The following MARVELD3 variants were observed in gnomAD, a reference collection of about 807,000 sequenced individuals.
The protein encoded by MARVELD3 is MARVEL domain containing 3, also known as MARVEL domain-containing protein 3.
In MARVELD3, 28 loss-of-function variants were observed where a neutral mutation model predicts 33.5. The ratio of observed to expected loss-of-function variants is 0.84; its 90% confidence interval spans 0.62 to 1.15. MARVELD3 has a LOEUF of 1.15. MARVELD3 is among the 50% of genes most tolerant of loss of function. MARVELD3 has a pLI of 0.00. For missense variants in MARVELD3, 582 were observed against 547.6 expected, an observed-to-expected ratio of 1.06 and a Z score of -0.63; for synonymous variants, 241 against 230.4, an observed-to-expected ratio of 1.05 and a Z score of -0.42.
At chr16:71,640,280 A>G, downstream of MARVELD3, 1 of 1,265,682 alleles carries the variant, frequency 7.9e-7, no homozygotes, top group Non-Finnish European at 1.1e-6. Context: ...AAAAAAAAAA[A>G]GTTGACATTG....
intron 1 of MARVELD3, among the ~76,000 whole-genome samples, chr16:71,628,689 T>C (rs1597074065): frequency 6.6e-6 from 1 of 151,322 alleles, no homozygotes; most frequent in Non-Finnish European, 1.5e-5. Context: ...GAGCATGAGG[T>C]TGTGAGTGTA....
rs565404190 is a variant in MARVELD3 at position 71,636,395 on chromosome 16, G to C, written c.*1592G>C. 1 of 155,242 alleles carries C rather than the reference G, an allele frequency of 6.4e-6. No individual in the cohort carries two copies. The highest frequency in any genetic ancestry group is 6.6e-5 in the Admixed American group (1 of 15,234). 9.6% of individuals were successfully genotyped at this position (155,242 alleles called of 1,614,324 possible). ...TTAAGTTTTGCTTTTGAAGAGAAGG[G>C]GACTTTTCATTTATACATGGCTTGA... On this transcript the variant is annotated 3_prime_UTR_variant, in exon 3 of 3. Transcript: ENST00000268485.
At chr16:71,629,270 C>A in intron 1 of MARVELD3, 97 bp from the exon 2 acceptor site, 1 of 1,309,030 alleles carries the variant, frequency 7.6e-7, no homozygotes. Flanking sequence ...TTCTGTTCTG[C>A]TAATATTTGG....
rs1356732579 is a variant in MARVELD3, at chr16:71,626,730, CGGGGACACCTGTGGCCCAGGCCG to C, written c.467+36_467+58del. 1 of 1,421,088 alleles carries C rather than the reference CGGGGACACCTGTGGCCCAGGCCG, an allele frequency of 7.0e-7. No homozygotes were observed. The highest frequency in any genetic ancestry group is 1.5e-5 in the African/African-American group (1 of 66,550). 88.0% of individuals were successfully genotyped at this position (1,421,088 alleles called of 1,614,324 possible). On this transcript the variant is annotated intron_variant, in intron 1 of 2. Coordinates refer to ENST00000268485, the MANE Select transcript of MARVELD3 (RefSeq NM_052858.6). The surrounding 1 kb of genome is among the most constrained non-coding windows in gnomAD (Gnocchi z 5.3). ...GGCCGGGGCGCTGCGACCTCCGCGC[CGGGGACACCTGTGGCCCAGGCCG>C]GCCCGCGAGGCCCTGGCGTCCCCGG... is the stretch of plus-strand genomic sequence containing the variant.
chr16:71,640,826 G>T (rs866358853), downstream of MARVELD3: 3 of 1,614,244 alleles, frequency 1.9e-6, no homozygotes, highest in Middle Eastern at 3.3e-4. Context: ...ATGCCCGCAA[G>T]GGTCTCACCT....
intron 1 of MARVELD3, chr16:71,629,085 G>A (rs2145273027): frequency 2.7e-6 from 1 of 366,682 alleles, no homozygotes; most frequent in Non-Finnish European, 4.8e-6. Context: ...GCACTCACAG[G>A]AAGGCAGCTC....
chr16:71,629,135 CATCAGCGGTACCA>C (rs1418547178), intron 1 of MARVELD3: 3 of 463,994 alleles, frequency 6.5e-6, no homozygotes, highest in Non-Finnish European at 1.1e-5. Flanking sequence ...GCAGACAAAC[CATCAGCGGTACCA>C]ATCACAGCAT....
chr16:71,635,460 TC>T lies in MARVELD3; in HGVS notation c.*659del. ...ATTTGATGAACCTTACCTTCAAAGT[TC>T]CTGGGCACAGTGGCTCACACCTGTA... On this transcript the variant is annotated 3_prime_UTR_variant, in exon 3 of 3. Coordinates refer to ENST00000268485, the MANE Select transcript of MARVELD3 (RefSeq NM_052858.6). 1.0e-6 allele frequency: 1 copy of T among 982,264 alleles called. No homozygotes were observed. The highest frequency in any genetic ancestry group is 5.3e-4 in the Middle Eastern group (1 of 1,896). The allele number at this position is 982,264 out of a possible 1,614,324, so 60.8% of individuals were successfully genotyped here. A position where few individuals can be genotyped will look rare whatever the true frequency, so the allele number is the denominator to read the frequency against.
chr16:71,635,798 T>C lies in MARVELD3; in HGVS notation c.*995T>C. On this transcript the variant is annotated 3_prime_UTR_variant, in exon 3 of 3. Coordinates refer to ENST00000268485, the MANE Select transcript of MARVELD3 (RefSeq NM_052858.6). ...GTGGGGACTCTTGGGAAACTACTCC[T>C]GTAAAATTGAAGTTGGAGGTAGGCG... 2.0e-6 allele frequency: 2 copies of C among 985,398 alleles called. No homozygotes were observed. Among genetic ancestry groups the C allele is most frequent in the South Asian group, 4.7e-5 (1 of 21,290 alleles). The allele number at this position is 985,398 out of a possible 1,614,324, so 61.0% of individuals were successfully genotyped here.
chr16:71,636,668 G>A (rs1266242517), downstream of MARVELD3, among the ~76,000 whole-genome samples: 1 of 152,112 alleles, frequency 6.6e-6, no homozygotes, highest in Admixed American at 6.6e-5. Context: ...TCAGCTTACT[G>A]CAACCTCTGC....
rs2044580097 is a variant in MARVELD3, at chr16:71,636,179, T to C, written c.*1376T>C. The stretch of plus-strand genomic sequence containing the variant: ...GAGTAAGTTCTTTGCTTTATGTGAA[T>C]CCAATAAAAAATCCAAAGAATTTTA... On this transcript the variant is annotated 3_prime_UTR_variant, in exon 3 of 3. Transcript: ENST00000268485. 2 of 982,334 alleles carry C rather than the reference T, an allele frequency of 2.0e-6. No homozygotes were observed. The highest frequency in any genetic ancestry group is 1.2e-4 in the Admixed American group (2 of 16,262). 60.9% of individuals were successfully genotyped at this position (982,334 alleles called of 1,614,324 possible). A position where few individuals can be genotyped will look rare whatever the true frequency, so the allele number is the denominator to read the frequency against.
At position 71,626,943 on chromosome 16, in the gene MARVELD3, G is replaced by C. The variant is rs911685312; in HGVS notation, c.467+247G>C. ...CCCTGTGAGCAGTGGCTGGGCTGGA[G>C]GACCTGGAGAAGAGAAAGAGAGGCC... On this transcript the variant is annotated intron_variant, in intron 1 of 2. Transcript: ENST00000268485. The surrounding 1 kb of genome is among the most constrained non-coding windows in gnomAD (Gnocchi z 5.3). 1 of 432,034 alleles carries C rather than the reference G, an allele frequency of 2.3e-6. No individual in the cohort carries two copies. The highest frequency in any genetic ancestry group is 4.0e-6 in the Non-Finnish European group (1 of 249,362). The allele number at this position is 432,034 out of a possible 1,614,324, so 26.8% of individuals were successfully genotyped here.
At chr16:71,638,679 G>A (rs1348059333), downstream of MARVELD3, 1 of 152,170 alleles carries the variant, frequency 6.6e-6, no homozygotes, top group Non-Finnish European at 1.5e-5. Context: ...GTACTCCTGT[G>A]TATCCTTAAC....
intron 2 of MARVELD3, among the ~76,000 whole-genome samples, chr16:71,632,482 A>G (rs1012858291): frequency 2.0e-5 from 3 of 152,232 alleles, no homozygotes; most frequent in Non-Finnish European, 4.4e-5. Context: ...TAAATAAAAC[A>G]GCATTAAACT....
downstream of MARVELD3, chr16:71,638,406 AAATC>A: frequency 6.5e-6 from 1 of 152,744 alleles, no homozygotes; most frequent in African/African-American, 2.4e-5. Flanking sequence ...GTAAATGAAA[AAATC>A]AAGATGCAGA....
chr16:71,628,824 T>C (rs949280490), intron 1 of MARVELD3, among the ~76,000 whole-genome samples: 1 of 152,124 alleles, frequency 6.6e-6, no homozygotes, highest in African/African-American at 2.4e-5. Flanking sequence ...TGTTGAATCT[T>C]GGACAAAGCC....
Position 71,635,648 on chromosome 16 carries a change from G to T in MARVELD3, c.*845G>T. Reference sequence around the variant, plus strand: ...AAAAAAGTTCATGGAGAGCCACATAGACATGAGACCACACTTCAGCCTGAA... The same window carrying T: ...AAAAAAGTTCATGGAGAGCCACATATACATGAGACCACACTTCAGCCTGAA... On this transcript the variant is annotated 3_prime_UTR_variant, in exon 3 of 3. Transcript: ENST00000268485. 2.0e-6 allele frequency: 2 copies of T among 984,762 alleles called. No homozygotes were observed. Among genetic ancestry groups the T allele is most frequent in the Non-Finnish European group, 2.4e-6 (2 of 829,898 alleles). The allele number at this position is 984,762 out of a possible 1,614,324, so 61.0% of individuals were successfully genotyped here. A position where few individuals can be genotyped will look rare whatever the true frequency, so the allele number is the denominator to read the frequency against.
At chr16:71,640,890 C>T (rs775173002), downstream of MARVELD3, 32 of 1,614,198 alleles carry the variant, frequency 2.0e-5, no homozygotes, top group South Asian at 3.3e-4. Context: ...CTTTGCTTGT[C>T]TTCTCGTGAT....
chr16:71,631,392 T>C (rs1036572854), intron 2 of MARVELD3, among the ~76,000 whole-genome samples: 2 of 152,216 alleles, frequency 1.3e-5, no homozygotes, highest in Admixed American at 6.5e-5. Flanking sequence ...AATTGTTACA[T>C]TGCATGTTTT....
Sources: gnomAD v4.1 joint callset for allele counts (sites outside exome capture counted in the v4.1 genomes callset) on GRCh38, gnomAD v4.1.1 for gene constraint, Gnocchi (gnomAD v3.1) non-coding constraint, MANE v1.5 for transcripts, NCBI Gene and HGNC (gene_info 2026-07-23, HGNC 2026-07-21) for gene names.